The following PEAK3 variants were observed in gnomAD, a reference collection of about 807,000 sequenced individuals.
PEAK3 encodes the protein protein PEAK3.
PEAK3 carries 15 observed loss-of-function variants against 13.3 expected under a neutral mutation model. The ratio of observed to expected loss-of-function variants is 1.13; its 90% CI spans 0.75 to 1.73. The LOEUF is 1.73. Among genes scored for constraint, PEAK3 ranks in the 40% most tolerant of loss-of-function variants. The pLI is 0.00. For missense variants in PEAK3, 739 were observed against 690.2 expected (o/e 1.07, Z -0.79); for synonymous variants, 347 against 341.9 (o/e 1.01, Z -0.17).
At chr19:2,277,425 C>G (rs1200674057) in intron 3 of PEAK3, among the ~76,000 whole-genome samples, 3 of 152,158 alleles carry the variant, frequency 2.0e-5, no homozygotes, top group Non-Finnish European at 2.9e-5. Flanking sequence ...GCCTCGCCTT[C>G]CACTATGATT....
rs568467270 is a variant in PEAK3, at chr19:2,276,053, G to T, written c.1049C>A (p.Pro350Gln). ...CGCTCGGAGGAGGCTGCCCAGCTGCGGCGCGTGGGGGCCCGGGGATCCCGG... is the reference window on the plus strand; with the variant it reads ...CGCTCGGAGGAGGCTGCCCAGCTGCTGCGCGTGGGGGCCCGGGGATCCCGG... ...GPPGSPGPHA[P>Q]QLGSLLRALL... Residue 350 changes from proline to glutamine, a missense_variant, in exon 4 of 4, where the codon CCG (proline) becomes CAG (glutamine). Pro to Gln is a moderately conservative substitution (Grantham distance 76). Coordinates refer to ENST00000342063, the MANE Select transcript of PEAK3 (RefSeq NM_198532.3). 61 of 1,443,872 alleles carry T rather than the reference G, an allele frequency of 4.2e-5. No individual in the cohort carries two copies. The African/African-American group carries it at 8.2e-4, about 20-fold the overall frequency. The allele number at this position is 1,443,872 out of a possible 1,614,324, so 89.4% of individuals were successfully genotyped here. A position where few individuals can be genotyped will look rare whatever the true frequency, so the allele number is the denominator to read the frequency against.
intron 2 of PEAK3, among the ~76,000 whole-genome samples, chr19:2,279,634 C>T (rs1036914286): frequency 6.6e-6 from 1 of 151,512 alleles, no homozygotes. Context: ...CCAGCCTGGG[C>T]GGCAGAGCTT....
rs1275491236 is a variant in PEAK3 at position 2,274,804 on chromosome 19, CTACTAAAAA to C, written c.*867_*875del. On this transcript the variant is annotated 3_prime_UTR_variant, in exon 4 of 4. Transcript: ENST00000342063. The stretch of plus-strand genomic sequence containing the variant: ...TGGCTAACACGGAGAAACCCCGTCT[CTACTAAAAA>C]TACAAAAAATTAGCCGGGCGTGGTG... 6.6e-6 allele frequency: 1 copy of C among 150,494 alleles called. No homozygotes were observed. Among genetic ancestry groups the C allele is most frequent in the African/African-American group, 2.4e-5 (1 of 41,202 alleles). 9.3% of individuals were successfully genotyped at this position (150,494 alleles called of 1,614,324 possible). A position where few individuals can be genotyped will look rare whatever the true frequency, so the allele number is the denominator to read the frequency against.
At position 2,278,751 on chromosome 19, in the gene PEAK3, T is replaced by C. The variant is rs1042109712; in HGVS notation, c.445A>G (p.Ile149Val). The change falls in exon 3 of 4, where the codon ATC becomes GTC. Residue 149 changes from isoleucine to valine, a missense_variant. Transcript: ENST00000342063. ...AGCCGGGCACGGAGCCGGGCATAGA[T>C]GGTACGGAGGCCCTGCAGCTGCCGC... is the stretch of plus-strand genomic sequence containing the variant. ...AARQLQGLRT[I>V]YARLRARLMG... 9 of 1,549,520 alleles carry C rather than the reference T, an allele frequency of 5.8e-6. No homozygotes were observed. Among genetic ancestry groups the C allele is most frequent in the African/African-American group, 1.4e-5 (1 of 73,266 alleles).
In PEAK3 at chr19:2,274,723, A is replaced by G. The variant is rs2025366111; in HGVS notation, c.*957T>C. 1 of 152,118 alleles carries G rather than the reference A, an allele frequency of 6.6e-6. No individual in the cohort carries two copies. Among genetic ancestry groups the G allele is most frequent in the Admixed American group, 6.6e-5 (1 of 15,256 alleles). 9.4% of individuals were successfully genotyped at this position (152,118 alleles called of 1,614,324 possible). On this transcript the variant is annotated 3_prime_UTR_variant, in exon 4 of 4. Transcript: ENST00000342063. ...CGCGGTGGCTCACGCCTGTAATCCC[A>G]GCACTTTGGGAGGCCGAGGCGGACG...
At position 2,276,168 on chromosome 19, in the gene PEAK3, G is replaced by T; in HGVS notation, c.934C>A (p.Leu312Met). The change falls in exon 4 of 4, where the codon CTG (leucine) becomes ATG (methionine). Residue 312 changes from leucine (L) to methionine (M), a missense_variant. Leu to Met is a conservative substitution (Grantham distance 15). Transcript: ENST00000342063. ...GTCGCACAGCCCCGAGGTGCCACCA[G>T]CAGCAAGTTCTCCGGCCGCAACTCG... is the stretch of plus-strand genomic sequence containing the variant. ...LVELRPENLL[L>M]VAPRGCATTG... 6.5e-7 allele frequency: 1 copy of T among 1,547,728 alleles called. No homozygotes were observed. Among genetic ancestry groups the T allele is most frequent in the Non-Finnish European group, 8.7e-7 (1 of 1,148,018 alleles).
At position 2,275,577 on chromosome 19, in the gene PEAK3, T is replaced by C; in HGVS notation, c.*103A>G. The C allele has an allele frequency of 9.2e-7, 1 of 1,086,904 alleles. No homozygotes were observed. The allele number at this position is 1,086,904 out of a possible 1,614,324, so 67.3% of individuals were successfully genotyped here. A position where few individuals can be genotyped will look rare whatever the true frequency, so the allele number is the denominator to read the frequency against. On this transcript the variant is annotated 3_prime_UTR_variant, in exon 4 of 4. Coordinates refer to ENST00000342063, the MANE Select transcript of PEAK3 (RefSeq NM_198532.3). ...TGCTCTCTCTGCTGCGCTCCTGGAC[T>C]CTGCAGGAAGAGGGTGTCTTGGCTA...
In PEAK3 at chr19:2,275,533, A is replaced by T; in HGVS notation, c.*147T>A. ...ACCCACATCCCCAGCACGGGAGGGG[A>T]GGCTCTGGAGTGGGGCATTGCTCTC... On this transcript the variant is annotated 3_prime_UTR_variant, in exon 4 of 4. Transcript: ENST00000342063. The T allele has an allele frequency of 1.5e-6, 1 of 664,812 alleles. No homozygotes were observed. Among genetic ancestry groups the T allele is most frequent in the Non-Finnish European group, 2.2e-6 (1 of 462,954 alleles). 41.2% of individuals were successfully genotyped at this position (664,812 alleles called of 1,614,324 possible).
In PEAK3 at chr19:2,275,779, A is replaced by G; in HGVS notation, c.1323T>C (p.Gly441=). 6.3e-7 allele frequency: 1 copy of G among 1,575,848 alleles called. No individual in the cohort carries two copies. The highest frequency in any genetic ancestry group is 8.6e-7 in the Non-Finnish European group (1 of 1,165,784). Residue 441 remains glycine (G), a synonymous_variant, in exon 4 of 4, where the codon GGT becomes GGC. Coordinates refer to ENST00000342063, the MANE Select transcript of PEAK3 (RefSeq NM_198532.3). ...AGTCCTCGAGGCTGGGAGCTTCCCC[A>G]CCTGCGGCCCGCTCTGCTAGGCGCA... ...LVLRLAERAA[G]GEAPSLEDWL...
At position 2,276,025 on chromosome 19, in the gene PEAK3, C is replaced by T; in HGVS notation, c.1077G>A (p.Leu359=). The T allele has an allele frequency of 7.0e-7, 1 of 1,429,046 alleles. No individual in the cohort carries two copies. 88.5% of individuals were successfully genotyped at this position (1,429,046 alleles called of 1,614,324 possible). A position where few individuals can be genotyped will look rare whatever the true frequency, so the allele number is the denominator to read the frequency against. Residue 359 remains leucine, a synonymous_variant, in exon 4 of 4, where the codon CTG becomes CTA. Coordinates refer to ENST00000342063, the MANE Select transcript of PEAK3 (RefSeq NM_198532.3). ...TGGTCGAGGGCGCAGCAAGGCTGAGCAGCGCTCGGAGGAGGCTGCCCAGCT... is the reference window on the plus strand; with the variant it reads ...TGGTCGAGGGCGCAGCAAGGCTGAGTAGCGCTCGGAGGAGGCTGCCCAGCT... The part of the protein sequence containing the change: ...APQLGSLLRA[L]LSLAAPSTTP...
chr19:2,278,748 A>G lies in PEAK3; in HGVS notation c.448T>C (p.Tyr150His). 6.5e-7 allele frequency: 1 copy of G among 1,549,074 alleles called. No homozygotes were observed. The highest frequency in any genetic ancestry group is 8.7e-7 in the Non-Finnish European group (1 of 1,144,306). ...ATGAGCCGGGCACGGAGCCGGGCATAGATGGTACGGAGGCCCTGCAGCTGC... is the reference window on the plus strand; with the variant it reads ...ATGAGCCGGGCACGGAGCCGGGCATGGATGGTACGGAGGCCCTGCAGCTGC... ...ARQLQGLRTI[Y>H]ARLRARLMGG... Residue 150 changes from tyrosine (Y) to histidine (H), a missense_variant, in exon 3 of 4, where the codon TAT (tyrosine) becomes CAT (histidine). By Grantham distance (83) the Tyr-to-His change is moderately conservative. Coordinates refer to ENST00000342063, the MANE Select transcript of PEAK3 (RefSeq NM_198532.3).
Position 2,275,964 on chromosome 19 carries a change from G to C in PEAK3, c.1138C>G (p.Gln380Glu). 1 of 1,415,888 alleles carries C rather than the reference G, an allele frequency of 7.1e-7. No homozygotes were observed. The highest frequency in any genetic ancestry group is 3.0e-5 in the East Asian group (1 of 33,856). The allele number at this position is 1,415,888 out of a possible 1,614,324, so 87.7% of individuals were successfully genotyped here. ...GCCGAGGGCCGCAAGCGGGTCAGCTGTGCTGCCAGGAGCTCCAGGCCCGCG... is the reference window on the plus strand; with the variant it reads ...GCCGAGGGCCGCAAGCGGGTCAGCTCTGCTGCCAGGAGCTCCAGGCCCGCG... Reference protein sequence around the residue: ...LAAGLELLAAQLTRLRPSASR... With the variant: ...LAAGLELLAAELTRLRPSASR... Residue 380 changes from glutamine to glutamate, a missense_variant, in exon 4 of 4, where the codon CAG becomes GAG. By Grantham distance (29) the Gln-to-Glu change is conservative. Transcript: ENST00000342063.
chr19:2,278,914 G>C lies in PEAK3; in HGVS notation c.282C>G (p.His94Gln). Residue 94 changes from histidine to glutamine, a missense_variant, in exon 3 of 4, where the codon CAC (histidine) becomes CAG (glutamine). Transcript: ENST00000342063. ...CTGCAGCCTGGCTCTTGTCCACACT[G>C]TGGGACCCCAGAAAGGGTCTCCGAG... Reference protein sequence around the residue: ...QPPRRPFLGSHSVDKSQAAVG... With the variant: ...QPPRRPFLGSQSVDKSQAAVG... 1 of 1,603,040 alleles carries C rather than the reference G, an allele frequency of 6.2e-7. No homozygotes were observed. The highest frequency in any genetic ancestry group is 8.5e-7 in the Non-Finnish European group (1 of 1,175,248).
At chr19:2,281,578 C>G (rs1002215019) in intron 1 of PEAK3, among the ~76,000 whole-genome samples, 3 of 131,208 alleles carry the variant, frequency 2.3e-5, no homozygotes, top group Non-Finnish European at 3.2e-5. Context: ...TCTCTGGGCC[C>G]CTGATGTGTG....
chr19:2,280,864 G>T lies in PEAK3; in HGVS notation c.68C>A (p.Thr23Lys), dbSNP rs141253643. 1 of 1,607,138 alleles carries T rather than the reference G, an allele frequency of 6.2e-7. No individual in the cohort carries two copies. The highest frequency in any genetic ancestry group is 1.3e-5 in the African/African-American group (1 of 74,312). The change falls in exon 2 of 4, where the codon ACG becomes AAG. Residue 23 changes from threonine to lysine, a missense_variant. Coordinates refer to ENST00000342063, the MANE Select transcript of PEAK3 (RefSeq NM_198532.3). ...PDNPTWSTQP[T>K]YSNLGQIRAH... Reference sequence around the variant, plus strand: ...GAGCTGCTTACCAAGGTTGCTATACGTGGGCTGAGTCGACCAGGTGGGGTT... The same window carrying T: ...GAGCTGCTTACCAAGGTTGCTATACTTGGGCTGAGTCGACCAGGTGGGGTT...
chr19:2,277,753 AT>A (rs1298980404), intron 3 of PEAK3, among the ~76,000 whole-genome samples: 1 of 150,908 alleles, frequency 6.6e-6, no homozygotes, highest in African/African-American at 2.4e-5. Context: ...TTTAGTAGAG[AT>A]GGGGGTTTCA....
At chr19:2,278,562 A>G (rs765842784) in intron 3 of PEAK3, 22 bp downstream of exon 3, 10 of 1,459,846 alleles carry the variant, frequency 6.9e-6, no homozygotes, top group Admixed American at 4.9e-5. Context: ...CACCTCAGAG[A>G]GGGTGGGGCT....
At chr19:2,277,598 G>A (rs951255389) in intron 3 of PEAK3, among the ~76,000 whole-genome samples, 5 of 151,328 alleles carry the variant, frequency 3.3e-5, no homozygotes, top group Admixed American at 6.6e-5. Flanking sequence ...TCACTCTGTC[G>A]CCCAGGCTGG....
chr19:2,274,896 C>T lies in PEAK3; in HGVS notation c.*784G>A, dbSNP rs758721473. 16 of 125,236 alleles carry T rather than the reference C, an allele frequency of 1.3e-4. No homozygotes were observed. The highest frequency in any genetic ancestry group is 2.1e-4 in the Admixed American group (2 of 9,478). 7.8% of individuals were successfully genotyped at this position (125,236 alleles called of 1,614,324 possible). On this transcript the variant is annotated 3_prime_UTR_variant, in exon 4 of 4. Transcript: ENST00000342063. ...CTGAGGCAGGAGAATGGCGTGAACC[C>T]GGGAGGCGGAGCTTGCAGTAAGCCG...
Sources: allele counts gnomAD v4.1 joint callset (sites outside exome capture counted in the v4.1 genomes callset), GRCh38; gene constraint gnomAD v4.1.1; transcripts MANE v1.5; gene names NCBI Gene and HGNC (gene_info 2026-07-23, HGNC 2026-07-21).